The following XAGE3 variants were observed in gnomAD, a reference collection of about 807,000 sequenced individuals.
XAGE3 encodes CT12.3.
Under a neutral mutation model 9.2 loss-of-function variants are expected in XAGE3, and 6 were observed. The ratio of observed to expected loss-of-function variants is 0.65; its 90% CI spans 0.36 to 1.29. The LOEUF (loss-of-function observed/expected upper bound fraction) is 1.29, where lower values mean the gene tolerates loss of function less well. Among genes scored for constraint, XAGE3 ranks in the 50% most tolerant of loss-of-function variants. The probability of loss-of-function intolerance (pLI) is 0.03; values close to 1 mark genes in which losing one functional copy is unlikely to be tolerated. For synonymous variants in XAGE3, 26 were observed against 28.2 expected, an observed-to-expected ratio of 0.92 and a Z score of 0.25; for missense variants, 70 against 82.8, an observed-to-expected ratio of 0.85 and a Z score of 0.60.
rs1161267218 is a variant in XAGE3, at chrX:52,864,853, C to A, written c.235G>T (p.Gly79Trp). The A allele has an allele frequency of 1.7e-6, 2 of 1,211,419 alleles. No individual in the cohort carries two copies. Among genetic ancestry groups the A allele is most frequent in the East Asian group, 5.9e-5 (2 of 33,848 alleles). The change falls in exon 4 of 5, where the codon GGG becomes TGG. Residue 79 changes from glycine (G) to tryptophan (W), a missense_variant. Physicochemically the swap from Gly to Trp is radical, Grantham distance 184 (BLOSUM62 -2). Transcript: ENST00000346279. ...TCAGGACCATTTCCACATTCACCCC[C>A]AGTCTTTGACTGAGACAGCTCCTGG... ...DLQELSQSKT[G>W]GECGNGPDDQ...
At chrX:52,866,982 G>C in intron 2 of XAGE3, 71 bp downstream of exon 2, 1 of 1,054,328 alleles carries the variant, frequency 9.5e-7, no homozygotes, top group African/African-American at 1.8e-5. Context: ...ACAAAACATA[G>C]TTTTGCAACA....
chrX:52,864,319 A>C (rs1169680415), intron 4 of XAGE3, among the ~76,000 whole-genome samples: 2 of 112,490 alleles, frequency 1.8e-5, no homozygotes, highest in Non-Finnish European at 3.8e-5. Context: ...ATTTTGAAAC[A>C]GATGTTAATA....
intron 1 of XAGE3, among the ~76,000 whole-genome samples, 166 bp downstream of exon 1, chrX:52,867,840 A>C (rs1927932534): frequency 9.0e-6 from 1 of 110,687 alleles, no homozygotes; most frequent in African/African-American, 3.3e-5. Flanking sequence ...ACTTCACCAC[A>C]ACAAGGCCCA....
At chrX:52,866,597 G>A (rs1228376255) in intron 2 of XAGE3, 59 bp from the exon 3 acceptor site, 8 of 959,409 alleles carry the variant, frequency 8.3e-6, no homozygotes, top group South Asian at 2.2e-5. Context: ...TTTTGTTATC[G>A]ATACATTTCA....
intron 4 of XAGE3, 76 bp from the exon 5 acceptor site, chrX:52,862,716 C>A (rs1927773359): frequency 1.7e-6 from 2 of 1,169,561 alleles, no homozygotes; most frequent in Non-Finnish European, 2.3e-6. Flanking sequence ...AGGCAAAGGA[C>A]ACCAAAGTTT....
In XAGE3 at chrX:52,866,462, T is replaced by TC; in HGVS notation, c.157dup (p.Glu53GlyfsTer8). 2 of 1,211,065 alleles carry TC rather than the reference T, an allele frequency of 1.7e-6. No individual in the cohort carries two copies. The highest frequency in any genetic ancestry group is 2.2e-6 in the Non-Finnish European group (2 of 895,282). On this transcript the variant is annotated frameshift_variant, in exon 3 of 5. Transcript: ENST00000346279. LOFTEE classifies it high-confidence loss of function. ...AGTCTCAGCTGCACCCTGATCTTCTTCTCTCTCCTGACCAGGTGCAGGATC... is the reference window on the plus strand; with the variant it reads ...AGTCTCAGCTGCACCCTGATCTTCTTCCTCTCTCCTGACCAGGTGCAGGATC...
At chrX:52,867,500 A>T (rs1927922228) in intron 1 of XAGE3, among the ~76,000 whole-genome samples, 2 of 111,015 alleles carry the variant, frequency 1.8e-5, no homozygotes, top group African/African-American at 6.6e-5. Flanking sequence ...TTTCCCCCCT[A>T]AAATCAAGTT....
intron 2 of XAGE3, 101 bp downstream of exon 2, chrX:52,866,952 A>T (rs1218498376): frequency 1.2e-6 from 1 of 843,403 alleles, no homozygotes; most frequent in Admixed American, 2.3e-5. Context: ...TGGTATATCT[A>T]TACTGGTTCA....
chrX:52,866,391 C>G, intron 3 of XAGE3, 42 bp downstream of exon 3: 1 of 1,164,825 alleles, frequency 8.6e-7, no homozygotes, highest in Non-Finnish European at 1.2e-6. Context: ...ACATAGGCCT[C>G]CTCCCCTCCC....
At chrX:52,866,925 G>T in intron 2 of XAGE3, 128 bp downstream of exon 2, 1 of 625,236 alleles carries the variant, frequency 1.6e-6, no homozygotes. Context: ...ATTTTTCTCA[G>T]CATGGGAGAC....
chrX:52,867,931 G>T (rs1408166107), intron 1 of XAGE3, 75 bp downstream of exon 1: 2 of 111,461 alleles, frequency 1.8e-5, no homozygotes, highest in Admixed American at 1.9e-4. Context: ...GCTTTCCCAC[G>T]CTCCGGACAG....
chrX:52,864,888 T>C lies in XAGE3; in HGVS notation c.200A>G (p.Glu67Gly), dbSNP rs376377950. 2 of 1,209,161 alleles carry C rather than the reference T, an allele frequency of 1.7e-6. No individual in the cohort carries two copies. Among genetic ancestry groups the C allele is most frequent in the South Asian group, 1.8e-5 (1 of 56,651 alleles). Residue 67 changes from glutamate to glycine, a missense_variant, in exon 4 of 5, where the codon GAA becomes GGA. Transcript: ENST00000346279. Reference sequence around the variant, plus strand: ...CTGAGACAGCTCCTGGAGATCAGCTTCCAGGTCAGGCACTAAAAAATACAA... The same window carrying C: ...CTGAGACAGCTCCTGGAGATCAGCTCCCAGGTCAGGCACTAAAAAATACAA... ...GAAETQVPDL[E>G]ADLQELSQSK...
At chrX:52,863,995 C>T (rs1194984849) in intron 4 of XAGE3, among the ~76,000 whole-genome samples, 12 of 111,795 alleles carry the variant, frequency 1.1e-4, no homozygotes, top group African/African-American at 3.9e-4. Context: ...CAATGGGCTC[C>T]TGGAAATAAT....
At chrX:52,865,086 AG>A (rs1265659365) in intron 3 of XAGE3, among the ~76,000 whole-genome samples, 186 bp from the exon 4 acceptor site, 1 of 112,138 alleles carries the variant, frequency 8.9e-6, no homozygotes, top group Non-Finnish European at 1.9e-5. Context: ...TGACAATCTG[AG>A]GAAAAATCAG....
chrX:52,863,189 G>A (rs186318434), intron 4 of XAGE3, among the ~76,000 whole-genome samples: 141 of 112,095 alleles, frequency 1.3e-3, no homozygotes, highest in African/African-American at 4.3e-3. Flanking sequence ...AATATTGCTT[G>A]GGGCTAGTTC....
At chrX:52,867,219 A>C (rs1173279593) in intron 1 of XAGE3, 78 bp from the exon 2 acceptor site, 19 of 867,705 alleles carry the variant, frequency 2.2e-5, no homozygotes, top group Non-Finnish European at 1.1e-5. Context: ...ACCAAATATT[A>C]ACTTGTCATT....
chrX:52,865,651 A>G (rs1356942020), intron 3 of XAGE3, among the ~76,000 whole-genome samples: 6 of 112,052 alleles, frequency 5.4e-5, no homozygotes, highest in Non-Finnish European at 1.1e-4. Flanking sequence ...CCTTAAAATC[A>G]TACTAATATA....
chrX:52,867,677 C>G (rs1927927362), intron 1 of XAGE3, among the ~76,000 whole-genome samples: 1 of 110,694 alleles, frequency 9.0e-6, no homozygotes, highest in Non-Finnish European at 1.9e-5. Context: ...TAATGCCCAC[C>G]CTGCTCCTTC....
intron 4 of XAGE3, 70 bp from the exon 5 acceptor site, chrX:52,862,710 A>ATGTG: frequency 1.8e-6 from 2 of 1,136,951 alleles, no homozygotes; most frequent in Non-Finnish European, 2.3e-6. Context: ...AAAGGTAGGC[A>ATGTG]AAGGACACCA....
Sources: gnomAD v4.1 joint callset for allele counts (sites outside exome capture counted in the v4.1 genomes callset) on GRCh38, gnomAD v4.1.1 for gene constraint, MANE v1.5 for transcripts, NCBI Gene and HGNC (gene_info 2026-07-23, HGNC 2026-07-21) for gene names.